KATNBL1: variants seen among roughly 807,000 people sequenced by gnomAD.
The protein encoded by KATNBL1 is KATNB1-like protein 1.
A neutral mutation model predicts 44.7 loss-of-function variants in KATNBL1; 28 were observed. The observed-to-expected ratio is 0.63, with a 90% CI of 0.46 to 0.86. The LOEUF (loss-of-function observed/expected upper bound fraction) is 0.86, where lower values mean the gene tolerates loss of function less well. Ranked by LOEUF, KATNBL1 falls within the 40% of genes least tolerant of loss-of-function variation. The probability of loss-of-function intolerance (pLI) is 0.00; values close to 1 mark genes in which losing one functional copy is unlikely to be tolerated. For missense variants in KATNBL1, 272 were observed against 350.7 expected (o/e 0.78, Z 1.79); for synonymous variants, 78 against 114.9 (o/e 0.68, Z 2.06).
intron 1 of KATNBL1, among the ~76,000 whole-genome samples, chr15:34,179,762 T>C (rs1889463438): frequency 6.6e-6 from 1 of 152,272 alleles, no homozygotes; most frequent in Non-Finnish European, 1.5e-5. Flanking sequence ...AAATTATTTA[T>C]TGTTGGTGGG....
At chr15:34,148,792 C>A in intron 4 of KATNBL1, 42 bp from the exon 5 acceptor site, 1 of 1,114,068 alleles carries the variant, frequency 9.0e-7, no homozygotes, top group Non-Finnish European at 1.4e-6. Context: ...CACACTGAAA[C>A]AGGGTATGAA....
intron 1 of KATNBL1, among the ~76,000 whole-genome samples, chr15:34,172,026 A>T (rs1222454356): frequency 1.3e-5 from 2 of 152,088 alleles, no homozygotes; most frequent in Admixed American, 1.3e-4. Flanking sequence ...GCACATGTAT[A>T]CCTATGTAAC....
At chr15:34,173,066 C>T (rs1257576715) in intron 1 of KATNBL1, among the ~76,000 whole-genome samples, 1 of 150,988 alleles carries the variant, frequency 6.6e-6, no homozygotes, top group African/African-American at 2.4e-5. Context: ...AAAAACTCAA[C>T]AGAAGTTGGA....
intron 9 of KATNBL1, 126 bp from the exon 10 acceptor site, chr15:34,142,497 C>A: frequency 1.9e-6 from 2 of 1,032,632 alleles, no homozygotes; most frequent in Non-Finnish European, 2.7e-6. Flanking sequence ...GGGTAAAAGA[C>A]GTGCCTTGTT....
At chr15:34,188,298 G>C (rs1458039205) in intron 1 of KATNBL1, among the ~76,000 whole-genome samples, 1 of 152,006 alleles carries the variant, frequency 6.6e-6, no homozygotes, top group East Asian at 1.9e-4. Context: ...GCTCACATCT[G>C]TAATCCCAGC....
intron 1 of KATNBL1, among the ~76,000 whole-genome samples, chr15:34,192,403 CAA>C (rs199991134): frequency 3.7e-5 from 4 of 107,240 alleles, no homozygotes; most frequent in African/African-American, 2.9e-5. Context: ...GACTCCATCT[CAA>C]AAAAAAAAAA....
At chr15:34,171,410 G>A (rs2140945591) in intron 1 of KATNBL1, among the ~76,000 whole-genome samples, 1 of 152,306 alleles carries the variant, frequency 6.6e-6, no homozygotes, top group South Asian at 2.1e-4. Flanking sequence ...CAGTTAGAAT[G>A]GTGATCATTA....
intron 1 of KATNBL1, among the ~76,000 whole-genome samples, chr15:34,189,017 G>A (rs538941508): frequency 1.3e-5 from 2 of 152,298 alleles, no homozygotes; most frequent in South Asian, 2.1e-4. Context: ...AGAATTTTAG[G>A]AATTTCATAC....
chr15:34,161,206 G>A (rs934286447), intron 2 of KATNBL1, among the ~76,000 whole-genome samples: 4 of 152,174 alleles, frequency 2.6e-5, no homozygotes, highest in Admixed American at 6.5e-5. Context: ...CTCTTGTGAC[G>A]TTTCTTACCT....
intron 1 of KATNBL1, among the ~76,000 whole-genome samples, chr15:34,194,117 T>C (rs1382148444): frequency 4.6e-5 from 7 of 152,064 alleles, no homozygotes; most frequent in Non-Finnish European, 1.0e-4. Context: ...TATTTTTGTA[T>C]TTTTAGTAGA....
intron 1 of KATNBL1, among the ~76,000 whole-genome samples, chr15:34,181,605 T>A (rs1889533570): frequency 3.1e-5 from 1 of 32,688 alleles, no homozygotes; most frequent in Non-Finnish European, 1.1e-4. Context: ...CATATATATG[T>A]CCATATATAT....
chr15:34,161,981 G>A (rs1398044562), intron 2 of KATNBL1, among the ~76,000 whole-genome samples: 2 of 152,128 alleles, frequency 1.3e-5, no homozygotes, highest in African/African-American at 4.8e-5. Context: ...CTTAATAATT[G>A]AGGCATATTT....
chr15:34,184,188 C>G (rs1242532162), intron 1 of KATNBL1, among the ~76,000 whole-genome samples: 1 of 152,060 alleles, frequency 6.6e-6, no homozygotes, highest in African/African-American at 2.4e-5. Context: ...CGCCTGTAGT[C>G]CCAGCTACTC....
chr15:34,143,780 T>C (rs1888221715), intron 9 of KATNBL1, among the ~76,000 whole-genome samples: 1 of 125,830 alleles, frequency 7.9e-6, no homozygotes, highest in African/African-American at 3.1e-5. Flanking sequence ...AAACCCTGTC[T>C]CTACTAAAAA....
At chr15:34,143,184 A>G (rs1204202242) in intron 9 of KATNBL1, among the ~76,000 whole-genome samples, 1 of 150,566 alleles carries the variant, frequency 6.6e-6, no homozygotes, top group Non-Finnish European at 1.5e-5. Flanking sequence ...TTTGTAAAAA[A>G]CTGATTGTGG....
Position 34,163,649 on chromosome 15 carries a change from T to G in KATNBL1, c.28A>C (p.Lys10Gln). 1 of 1,592,840 alleles carries G rather than the reference T, an allele frequency of 6.3e-7. No individual in the cohort carries two copies. Among genetic ancestry groups the G allele is most frequent in the Non-Finnish European group, 8.5e-7 (1 of 1,172,168 alleles). ...TCAATCTTATTACAAAAGTTCCGTT[T>G]TTTAACATTGTGGGTTTCTGATGCC... MASETHNVKKRNFCNKIEDH... is the reference protein window; with the variant it reads MASETHNVKQRNFCNKIEDH... The change falls in exon 2 of 10, where the codon AAA becomes CAA. Residue 10 changes from lysine (K) to glutamine (Q), a missense_variant. Transcript: ENST00000256544.
chr15:34,144,576 CTT>C (rs1202455212), intron 9 of KATNBL1, among the ~76,000 whole-genome samples: 1 of 144,618 alleles, frequency 6.9e-6, no homozygotes, highest in Admixed American at 6.9e-5. Context: ...TTTTTTCTTT[CTT>C]TTTTTTTTTT....
rs71119942 is a variant in KATNBL1, at chr15:34,184,576, CTTT to C, written c.-14-20889_-14-20887del. On this transcript the variant is annotated intron_variant, in intron 1 of 9. Coordinates refer to ENST00000256544, the MANE Select transcript of KATNBL1 (RefSeq NM_024713.3). ...ATACTTCCTGTCTCTCCTAATGTTT[CTTT>C]TTTTTTTTTTTGAGACAGAGTCTCG... Among the ~76,000 whole-genome samples the C allele has an allele frequency of 7.3e-5, 7 of 95,260 alleles. 1 individual carries two copies. The highest frequency in any genetic ancestry group is 1.1e-4 in the Non-Finnish European group (6 of 52,250). The allele number at this position is 95,260 out of a possible 152,430, so 62.5% of individuals were successfully genotyped here.
intron 1 of KATNBL1, among the ~76,000 whole-genome samples, chr15:34,172,619 G>A (rs1370808424): frequency 1.3e-5 from 2 of 152,126 alleles, no homozygotes; most frequent in East Asian, 1.9e-4. Flanking sequence ...TGTTGAGACC[G>A]CTAATCTTTC....
Sources: gnomAD v4.1 joint callset for allele counts (sites outside exome capture counted in the v4.1 genomes callset) on GRCh38, gnomAD v4.1.1 for gene constraint, MANE v1.5 for transcripts, NCBI Gene and HGNC (gene_info 2026-07-23, HGNC 2026-07-21) for gene names.